The following MED13 variants were observed in gnomAD, a reference collection of about 807,000 sequenced individuals.
MED13 encodes mediator of RNA polymerase II transcription subunit 13.
Under a neutral mutation model 225.2 loss-of-function variants are expected in MED13, and 23 were observed. The observed-to-expected ratio is 0.10, with a 90% CI of 0.07 to 0.14. The LOEUF (loss-of-function observed/expected upper bound fraction) is 0.14, where lower values mean the gene tolerates loss of function less well. MED13 is among the 10% of genes least tolerant of loss of function. The probability of loss-of-function intolerance (pLI) is 1.00; values close to 1 mark genes in which losing one functional copy is unlikely to be tolerated. For synonymous variants in MED13, 942 were observed against 889.2 expected (o/e 1.06, Z -1.06); for missense variants, 2,197 against 2,594.5 (o/e 0.85, Z 3.33).
At position 62,010,647 on chromosome 17, in the gene MED13, T is replaced by C. The variant is rs181549561; in HGVS notation, c.1870A>G (p.Lys624Glu). The change falls in exon 9 of 30, where the codon AAA becomes GAA. Residue 624 changes from lysine to glutamate, a missense_variant. Transcript: ENST00000397786. ...AWKYYKFPKK[K>E]DVEFLPPQLP... is the part of the protein sequence containing the mutation. ...TGAGGTGGTAAAAACTCTACATCTT[T>C]TTTCTTTGGGAACTTGTAATACTTC... The C allele has an allele frequency of 1.2e-4, 183 of 1,499,286 alleles. No individual in the cohort carries two copies. The African/African-American group carries it at 2.5e-3, about 20-fold the overall frequency. 92.9% of individuals were successfully genotyped at this position (1,499,286 alleles called of 1,614,324 possible). A position where few individuals can be genotyped will look rare whatever the true frequency, so the allele number is the denominator to read the frequency against.
rs1293595644 is a variant in MED13, at chr17:61,945,467, A to C, written c.*1001T>G. On this transcript the variant is annotated 3_prime_UTR_variant, in exon 30 of 30. Coordinates refer to ENST00000397786, the MANE Select transcript of MED13 (RefSeq NM_005121.3). ...GCATGTAACATTAAACACTAAAATTAGTTTAAGCATTCAGTAGCAAATGGT... is the reference window on the plus strand; with the variant it reads ...GCATGTAACATTAAACACTAAAATTCGTTTAAGCATTCAGTAGCAAATGGT... 1 of 152,680 alleles carries C rather than the reference A, an allele frequency of 6.5e-6. No individual in the cohort carries two copies. The highest frequency in any genetic ancestry group is 2.4e-5 in the African/African-American group (1 of 41,462). The allele number at this position is 152,680 out of a possible 1,614,324, so 9.5% of individuals were successfully genotyped here.
intron 19 of MED13, among the ~76,000 whole-genome samples, chr17:61,965,977 A>C (rs2080054382): frequency 6.6e-6 from 1 of 151,856 alleles, no homozygotes; most frequent in Non-Finnish European, 1.5e-5. Context: ...GAGTATTTAT[A>C]AGCAATACAG....
chr17:61,959,004 CT>C (rs969211367), intron 23 of MED13, among the ~76,000 whole-genome samples: 149 of 146,028 alleles, frequency 1.0e-3, no homozygotes, highest in African/African-American at 2.2e-3. Context: ...CACTGCCCCT[CT>C]TTTTTTTTTT....
rs988230355 is a variant in MED13 at position 61,946,724 on chromosome 17, G to C, written c.6393-124C>G. On this transcript the variant is annotated intron_variant, in intron 29 of 29. Transcript: ENST00000397786. The stretch of plus-strand genomic sequence containing the variant: ...AAAAAGAGTGTAACAGAGAGTCCTT[G>C]AGGGGAAAGAAGCAATTTCCATAAA... 2.3e-5 allele frequency: 29 copies of C among 1,258,986 alleles called. 1 individual carries two copies. The highest frequency in any genetic ancestry group is 3.2e-5 in the Non-Finnish European group (29 of 897,844). The allele number at this position is 1,258,986 out of a possible 1,614,324, so 78.0% of individuals were successfully genotyped here.
At chr17:62,049,148 C>T (rs2080931318) in intron 3 of MED13, among the ~76,000 whole-genome samples, 2 of 147,328 alleles carry the variant, frequency 1.4e-5, no homozygotes, top group South Asian at 4.2e-4. Flanking sequence ...AAGAGAATCC[C>T]CAAGATGACT....
In MED13 at chr17:61,961,605, C is replaced by T. The variant is rs534033759; in HGVS notation, c.5239G>A (p.Ala1747Thr). Reference sequence around the variant, plus strand: ...ATACTTACATCAGGACTTCTAAGGGCAGTTTCCATGGCTAAACCTGGACCA... The same window carrying T: ...ATACTTACATCAGGACTTCTAAGGGTAGTTTCCATGGCTAAACCTGGACCA... Reference protein sequence around the residue: ...GFGPGLAMETALRSPDRPECI... With the variant: ...GFGPGLAMETTLRSPDRPECI... The change falls in exon 22 of 30, where the codon GCC (alanine) becomes ACC (threonine). Residue 1747 changes from alanine to threonine, a missense_variant. Transcript: ENST00000397786. 1.9e-6 allele frequency: 3 copies of T among 1,612,744 alleles called. No homozygotes were observed. Among genetic ancestry groups the T allele is most frequent in the South Asian group, 2.2e-5 (2 of 91,020 alleles).
At position 61,968,261 on chromosome 17, in the gene MED13, A is replaced by G. The variant is rs374262043; in HGVS notation, c.3968-3T>C. The stretch of plus-strand genomic sequence containing the variant: ...TGGTTCTGGGGATTCATCAGTTCCT[A>G]AATAAGAAAGATGTATTTTAAGAAA... On this transcript the variant is annotated splice_polypyrimidine_tract_variant and splice_region_variant and intron_variant, in intron 17 of 29. Transcript: ENST00000397786. 168 of 1,593,420 alleles carry G rather than the reference A, an allele frequency of 1.1e-4. No homozygotes were observed. The African/African-American group carries it at 1.8e-3, about 18-fold the overall frequency.
chr17:61,969,176 A>G (rs952641881), intron 17 of MED13, among the ~76,000 whole-genome samples: 2 of 152,080 alleles, frequency 1.3e-5, no homozygotes, highest in African/African-American at 4.8e-5. Flanking sequence ...ACCAACATGG[A>G]GAAAGCCTGT....
intron 15 of MED13, among the ~76,000 whole-genome samples, chr17:61,983,864 G>C (rs1394742339): frequency 6.6e-6 from 1 of 151,870 alleles, no homozygotes; most frequent in East Asian, 1.9e-4. Context: ...AAGTAGCTGG[G>C]ACTACAAGCA....
At position 61,985,144 on chromosome 17, in the gene MED13, A is replaced by C. The variant is rs1281690026; in HGVS notation, c.2386-54T>G. On this transcript the variant is annotated intron_variant, in intron 12 of 29. Transcript: ENST00000397786. ...AAATTTTACATCCAATGTGATCTCAAAATAGTAATCATTCAGATATAACTT... is the reference window on the plus strand; with the variant it reads ...AAATTTTACATCCAATGTGATCTCACAATAGTAATCATTCAGATATAACTT... 3 of 1,412,474 alleles carry C rather than the reference A, an allele frequency of 2.1e-6. No homozygotes were observed. In the African/African-American group the frequency reaches 4.3e-5, roughly 20 times the overall value. The allele number at this position is 1,412,474 out of a possible 1,614,324, so 87.5% of individuals were successfully genotyped here.
At chr17:62,055,735 A>T (rs1273195586) in intron 2 of MED13, among the ~76,000 whole-genome samples, 1 of 151,974 alleles carries the variant, frequency 6.6e-6, no homozygotes, top group Non-Finnish European at 1.5e-5. Flanking sequence ...AGGCAGGAGA[A>T]TCACTTGAAC....
intron 11 of MED13, among the ~76,000 whole-genome samples, chr17:61,992,103 A>C (rs1567964263): frequency 6.6e-6 from 1 of 152,210 alleles, no homozygotes; most frequent in Non-Finnish European, 1.5e-5. Context: ...AACCAACTGG[A>C]CATCAGTATC....
intron 3 of MED13, among the ~76,000 whole-genome samples, chr17:62,047,322 A>C (rs1212878639): frequency 6.6e-6 from 1 of 152,000 alleles, no homozygotes; most frequent in African/African-American, 2.4e-5. Flanking sequence ...AGTGAGCTGA[A>C]ATCATGCCAC....
chr17:61,998,081 T>C (rs1350994733), intron 9 of MED13, among the ~76,000 whole-genome samples: 1 of 152,214 alleles, frequency 6.6e-6, no homozygotes, highest in Non-Finnish European at 1.5e-5. Flanking sequence ...ACATTATACA[T>C]TCTATATTTA....
At chr17:61,961,126 A>C in intron 22 of MED13, 36 bp from the exon 23 acceptor site, 1 of 1,439,638 alleles carries the variant, frequency 6.9e-7, no homozygotes, top group Non-Finnish European at 9.6e-7. Flanking sequence ...ATCATACTAT[A>C]CAATCTTAGA....
chr17:61,980,102 T>C (rs1376689606), intron 16 of MED13, among the ~76,000 whole-genome samples: 4 of 152,098 alleles, frequency 2.6e-5, no homozygotes, highest in African/African-American at 7.2e-5. Flanking sequence ...GGCAGGAGAA[T>C]TGCTTGAACC....
intron 16 of MED13, among the ~76,000 whole-genome samples, chr17:61,978,151 CTTT>C: frequency 6.9e-6 from 1 of 144,902 alleles, no homozygotes; most frequent in South Asian, 2.2e-4. Flanking sequence ...CAAAAACTGC[CTTT>C]TTTTTTTTTT....
At chr17:62,048,659 A>T (rs1206831574) in intron 3 of MED13, among the ~76,000 whole-genome samples, 1 of 152,130 alleles carries the variant, frequency 6.6e-6, no homozygotes, top group East Asian at 1.9e-4. Flanking sequence ...TAGGTTCACT[A>T]AACACTGGCA....
At chr17:62,010,136 C>T (rs898501027) in intron 9 of MED13, among the ~76,000 whole-genome samples, 4 of 151,482 alleles carry the variant, frequency 2.6e-5, no homozygotes, top group African/African-American at 4.9e-5. Context: ...GCAGGAGGGT[C>T]GCTTGAACCC....
Sources: gnomAD v4.1 joint callset for allele counts (sites outside exome capture counted in the v4.1 genomes callset) on GRCh38, gnomAD v4.1.1 for gene constraint, MANE v1.5 for transcripts, NCBI Gene and HGNC (gene_info 2026-07-23, HGNC 2026-07-21) for gene names.